The following LOC128462377 variants were observed in gnomAD, a reference collection of about 807,000 sequenced individuals.
At chr16:89,348,692 G>A in the LOC128462377 span, among the ~76,000 whole-genome samples, 2 of 152,194 alleles carry the variant, frequency 1.3e-5, 1 homozygote, top group South Asian at 4.2e-4. Flanking sequence ...GTCTTTTGAA[G>A]AATTTGTCTA....
the LOC128462377 span, among the ~76,000 whole-genome samples, chr16:89,394,786 A>G: frequency 6.6e-6 from 1 of 152,178 alleles, no homozygotes; most frequent in Non-Finnish European, 1.5e-5. Flanking sequence ...AGCCATCTCC[A>G]TAATATATGG....
chr16:89,330,607 C>T, the LOC128462377 span, among the ~76,000 whole-genome samples: 1 of 128,418 alleles, frequency 7.8e-6, no homozygotes, highest in South Asian at 2.5e-4. Context: ...AAGCAAGGGG[C>T]TGCGTGAGGG....
the LOC128462377 span, among the ~76,000 whole-genome samples, chr16:89,400,031 CCGG>C: frequency 0.21 from 17,999 of 87,282 alleles, 4,702 homozygotes; most frequent in Middle Eastern, 0.28. Flanking sequence ...GCGCTGGAGG[CCGG>C]TCATCTGCTG....
the LOC128462377 span, among the ~76,000 whole-genome samples, chr16:89,348,047 C>T: frequency 2.0e-5 from 3 of 152,134 alleles, no homozygotes; most frequent in East Asian, 5.8e-4. Flanking sequence ...GATCTTCCCA[C>T]CTCAGCCTCC....
At chr16:89,363,501 T>A in the LOC128462377 span, among the ~76,000 whole-genome samples, 1 of 151,294 alleles carries the variant, frequency 6.6e-6, no homozygotes, top group Admixed American at 6.6e-5. Context: ...AAAGATTCAG[T>A]CTTGCAAAGT....
chr16:89,337,393 C>A, the LOC128462377 span, among the ~76,000 whole-genome samples: 1 of 147,840 alleles, frequency 6.8e-6, no homozygotes. Flanking sequence ...CACTGTTAAC[C>A]CTACTGCACA....
At chr16:89,334,297 C>T in the LOC128462377 span, among the ~76,000 whole-genome samples, 14 of 152,160 alleles carry the variant, frequency 9.2e-5, no homozygotes, top group African/African-American at 2.4e-4. Flanking sequence ...AGTCAACCCC[C>T]AGTGAGTGTA....
At chr16:89,411,328 G>A in the LOC128462377 span, among the ~76,000 whole-genome samples, 344 of 151,544 alleles carry the variant, frequency 2.3e-3, 4 homozygotes, top group African/African-American at 6.4e-3. Flanking sequence ...TGCACACAGC[G>A]GTGGGAAACC....
At chr16:89,360,275 G>A in the LOC128462377 span, among the ~76,000 whole-genome samples, 1 of 152,050 alleles carries the variant, frequency 6.6e-6, no homozygotes, top group African/African-American at 2.4e-5. Flanking sequence ...ATCTTATTTT[G>A]TATTAGGGAT....
chr16:89,345,797 G>T, the LOC128462377 span, among the ~76,000 whole-genome samples: 3 of 152,144 alleles, frequency 2.0e-5, no homozygotes, highest in Admixed American at 2.0e-4. Context: ...ACCAGGCTGG[G>T]CTTCCTCTAT....
At chr16:89,328,797 C>T in the LOC128462377 span, 7 of 141,422 alleles carry the variant, frequency 4.9e-5, no homozygotes, top group African/African-American at 1.9e-4. Flanking sequence ...CCCAGGCGCA[C>T]GGGCGAATCA....
chr16:89,358,442 C>T, the LOC128462377 span, among the ~76,000 whole-genome samples: 23 of 152,324 alleles, frequency 1.5e-4, no homozygotes, highest in East Asian at 4.4e-3. Context: ...ACTCAATTTC[C>T]AGGTTGGGTT....
chr16:89,406,904 C>A, the LOC128462377 span, among the ~76,000 whole-genome samples: 1 of 152,174 alleles, frequency 6.6e-6, no homozygotes, highest in Non-Finnish European at 1.5e-5. Context: ...TCAGGCCGGA[C>A]GTGGTGGCTC....
chr16:89,394,066 C>T, the LOC128462377 span, among the ~76,000 whole-genome samples: 1 of 152,140 alleles, frequency 6.6e-6, no homozygotes, highest in Admixed American at 6.5e-5. Context: ...GGTGCTCCTC[C>T]CCGCCTCCCT....
chr16:89,355,224 CG>C, the LOC128462377 span, among the ~76,000 whole-genome samples: 1 of 151,884 alleles, frequency 6.6e-6, no homozygotes, highest in Non-Finnish European at 1.5e-5. Flanking sequence ...AGAGGGCTCA[CG>C]GAGGGAGGGC....
chr16:89,356,025 G>A, the LOC128462377 span, among the ~76,000 whole-genome samples: 1 of 152,202 alleles, frequency 6.6e-6, no homozygotes, highest in African/African-American at 2.4e-5. Flanking sequence ...AGGCGACAGT[G>A]AGCCCAGATA....
the LOC128462377 span, among the ~76,000 whole-genome samples, chr16:89,397,353 A>T: frequency 6.6e-6 from 1 of 152,114 alleles, no homozygotes; most frequent in African/African-American, 2.4e-5. Context: ...TGTCAACTGG[A>T]TGCGCATTTA....
chr16:89,403,054 C>T, the LOC128462377 span, among the ~76,000 whole-genome samples: 5 of 152,188 alleles, frequency 3.3e-5, no homozygotes, highest in East Asian at 5.8e-4. Flanking sequence ...CGCTCAACTG[C>T]GTGGTGGCGG....
At chr16:89,393,202 C>A in the LOC128462377 span, among the ~76,000 whole-genome samples, 1 of 152,160 alleles carries the variant, frequency 6.6e-6, no homozygotes, top group Non-Finnish European at 1.5e-5. Flanking sequence ...GAGCACGACG[C>A]CAGCCTCATT....
Sources: gnomAD v4.1 joint callset for allele counts (sites outside exome capture counted in the v4.1 genomes callset) on GRCh38, gnomAD v4.1.1 for gene constraint, MANE v1.5 for transcripts.